Variants in GAS2 observed in about 807,000 individuals in gnomAD.
The protein encoded by GAS2 is growth arrest-specific protein 2.
In GAS2, 20 loss-of-function variants were observed where a neutral mutation model predicts 37.5. The observed-to-expected ratio is 0.53, with a 90% CI of 0.37 to 0.77. The LOEUF is 0.77. Ranked by LOEUF, GAS2 falls within the 30% of genes least tolerant of loss-of-function variation. GAS2 has a pLI of 0.00. For missense variants in GAS2, 336 were observed against 373.4 expected (o/e 0.90, Z 0.82); for synonymous variants, 144 against 132.2 (o/e 1.09, Z -0.61).
chr11:22,742,010 A>T (rs115080556), intron 5 of GAS2, among the ~76,000 whole-genome samples: 2,102 of 152,182 alleles, frequency 0.014, 58 homozygotes, highest in African/African-American at 0.048. Context: ...GGGTCTTAGT[A>T]ATTTTACCTA....
intron 5 of GAS2, among the ~76,000 whole-genome samples, chr11:22,741,114 A>G (rs1338477038): frequency 6.6e-6 from 1 of 152,174 alleles, no homozygotes; most frequent in Non-Finnish European, 1.5e-5. Flanking sequence ...CTCTCGGGAC[A>G]CTTAGGAAGC....
intron 6 of GAS2, among the ~76,000 whole-genome samples, chr11:22,750,583 C>T (rs1165506716): frequency 6.6e-6 from 1 of 151,990 alleles, no homozygotes; most frequent in Admixed American, 6.6e-5. Flanking sequence ...AATCACATAA[C>T]TTTTTTGAAG....
At chr11:22,767,639 GA>G (rs1278063449) in intron 7 of GAS2, among the ~76,000 whole-genome samples, 1 of 152,006 alleles carries the variant, frequency 6.6e-6, no homozygotes, top group Non-Finnish European at 1.5e-5. Flanking sequence ...AGCTGCCAAA[GA>G]AAAAAACCTG....
chr11:22,737,909 T>G (rs1317154908), intron 5 of GAS2, 141 bp downstream of exon 5: 5 of 749,904 alleles, frequency 6.7e-6, no homozygotes, highest in Non-Finnish European at 9.2e-6. Context: ...ATGAACTTCT[T>G]GAGGGCAGCA....
At chr11:22,728,581 C>T (rs1852326085) in intron 4 of GAS2, among the ~76,000 whole-genome samples, 2 of 150,950 alleles carry the variant, frequency 1.3e-5, no homozygotes, top group Admixed American at 1.3e-4. Context: ...ATTTTTAAGT[C>T]TATAAAAATT....
chr11:22,778,681 C>T (rs1245644369), intron 7 of GAS2, among the ~76,000 whole-genome samples: 2 of 152,186 alleles, frequency 1.3e-5, no homozygotes, highest in African/African-American at 4.8e-5. Context: ...AAATGTAATA[C>T]TTAATTGTCA....
chr11:22,652,993 G>T (rs1255275105), intron 1 of GAS2, among the ~76,000 whole-genome samples: 65 of 97,112 alleles, frequency 6.7e-4, no homozygotes, highest in South Asian at 6.1e-3. Flanking sequence ...TTCTTTCTTT[G>T]TCTTTCTTTC....
At chr11:22,776,262 G>T (rs887745566) in intron 7 of GAS2, among the ~76,000 whole-genome samples, 1 of 152,150 alleles carries the variant, frequency 6.6e-6, no homozygotes, top group Non-Finnish European at 1.5e-5. Context: ...GCTTTGTGGG[G>T]TGTATGGTTT....
At chr11:22,799,181 A>C (rs1353773050) in intron 7 of GAS2, among the ~76,000 whole-genome samples, 1 of 152,030 alleles carries the variant, frequency 6.6e-6, no homozygotes, top group African/African-American at 2.4e-5. Flanking sequence ...GGATGACTTC[A>C]GTGAAGAGCA....
In GAS2 at chr11:22,812,773, A is replaced by T. The variant is rs1353778893; in HGVS notation, c.*757A>T. 3 of 152,598 alleles carry T rather than the reference A, an allele frequency of 2.0e-5. No homozygotes were observed. The highest frequency in any genetic ancestry group is 4.4e-5 in the Non-Finnish European group (3 of 68,016). 9.5% of individuals were successfully genotyped at this position (152,598 alleles called of 1,614,324 possible). A position where few individuals can be genotyped will look rare whatever the true frequency, so the allele number is the denominator to read the frequency against. ...ACTTTGACGAGTAAATTGTACAGTC[A>T]AATGTTCATTGATTTCATGTTATTT... is the stretch of plus-strand genomic sequence containing the variant. On this transcript the variant is annotated 3_prime_UTR_variant, in exon 8 of 8. Coordinates refer to ENST00000454584, the MANE Select transcript of GAS2 (RefSeq NM_001143830.3).
chr11:22,669,910 T>A (rs2133866655), intron 1 of GAS2, among the ~76,000 whole-genome samples: 1 of 152,284 alleles, frequency 6.6e-6, no homozygotes, highest in African/African-American at 2.4e-5. Flanking sequence ...AGTAAGATTT[T>A]GTATCCATGA....
chr11:22,812,048 A>G lies in GAS2; in HGVS notation c.*32A>G, dbSNP rs1481158370. ...TTGGTCATGACAAGGGGACCCTCAT[A>G]ATGGCCTGTATCCACTTCTCCAGTA... On this transcript the variant is annotated 3_prime_UTR_variant, in exon 8 of 8. Transcript: ENST00000454584. 6.7e-7 allele frequency: 1 copy of G among 1,489,794 alleles called. No homozygotes were observed. The highest frequency in any genetic ancestry group is 1.4e-5 in the African/African-American group (1 of 72,204). 92.3% of individuals were successfully genotyped at this position (1,489,794 alleles called of 1,614,324 possible).
intron 7 of GAS2, among the ~76,000 whole-genome samples, chr11:22,785,083 G>C (rs1272982451): frequency 1.3e-5 from 2 of 152,114 alleles, no homozygotes; most frequent in Non-Finnish European, 2.9e-5. Flanking sequence ...TAGAGATTCT[G>C]AATGCCAAGA....
intron 4 of GAS2, among the ~76,000 whole-genome samples, chr11:22,732,770 TATCATCATCATCATCATCATCATC>T (rs35919121): frequency 2.1e-5 from 3 of 145,936 alleles, no homozygotes; most frequent in Admixed American, 6.9e-5. Flanking sequence ...CCCCTCCATT[TATCATCATCATCATCATCATCATC>T]ATCATCATCA....
In GAS2 at chr11:22,693,969, C is replaced by A. The variant is rs542238799; in HGVS notation, c.267+8180C>A. On this transcript the variant is annotated intron_variant, in intron 3 of 7. Coordinates refer to ENST00000454584, the MANE Select transcript of GAS2 (RefSeq NM_001143830.3). ...TAAGTGGTATCTAAATGATGAGAAC[C>A]CATGGACACATACAGGGGAACAACA... 2.6e-5 allele frequency among the ~76,000 whole-genome samples: 4 copies of A among 151,990 alleles called. No homozygotes were observed. In the East Asian group the frequency reaches 7.7e-4, roughly 29 times the overall value.
intron 3 of GAS2, among the ~76,000 whole-genome samples, chr11:22,722,461 C>G (rs985350897): frequency 2.7e-4 from 41 of 151,958 alleles, no homozygotes; most frequent in Middle Eastern, 3.4e-3. Flanking sequence ...ATATTGAATC[C>G]TACACTATGG....
intron 4 of GAS2, among the ~76,000 whole-genome samples, chr11:22,732,848 A>G (rs1351390303): frequency 6.6e-6 from 1 of 151,576 alleles, no homozygotes; most frequent in African/African-American, 2.4e-5. Flanking sequence ...TTTGTGGAGC[A>G]TGTTACATAT....
intron 7 of GAS2, among the ~76,000 whole-genome samples, chr11:22,759,194 A>T (rs1276411001): frequency 6.6e-6 from 1 of 152,184 alleles, no homozygotes; most frequent in African/African-American, 2.4e-5. Context: ...GACCGGGAAG[A>T]TATTTTCTGC....
At chr11:22,729,749 CTTA>C (rs549349967) in intron 4 of GAS2, among the ~76,000 whole-genome samples, 13 of 125,726 alleles carry the variant, frequency 1.0e-4, no homozygotes, top group African/African-American at 3.5e-4. Context: ...TAAAATCTAC[CTTA>C]TTACTAAAGG....
Sources: allele counts gnomAD v4.1 joint callset (sites outside exome capture counted in the v4.1 genomes callset), GRCh38; gene constraint gnomAD v4.1.1; transcripts MANE v1.5; gene names NCBI Gene and HGNC (gene_info 2026-07-23, HGNC 2026-07-21).